Variants in KLHL23 observed in about 807,000 individuals in gnomAD.
The protein encoded by KLHL23 is kelch-like protein 23.
A neutral mutation model predicts 48.9 loss-of-function variants in KLHL23; 33 were observed. The ratio of observed to expected loss-of-function variants is 0.67; its 90% CI spans 0.51 to 0.90. The LOEUF (loss-of-function observed/expected upper bound fraction) is 0.90. KLHL23 is among the 40% of genes least tolerant of loss of function. The pLI is 0.00. For missense variants in KLHL23, 608 were observed against 669.6 expected (o/e 0.91, Z 1.02); for synonymous variants, 234 against 231.6 (o/e 1.01, Z -0.09).
Position 169,735,658 on chromosome 2 carries a change from G to A in KLHL23, c.644G>A (p.Arg215Gln). The A allele has an allele frequency of 1.9e-6, 3 of 1,613,934 alleles. No individual in the cohort carries two copies. Among genetic ancestry groups the A allele is most frequent in the Non-Finnish European group, 2.5e-6 (3 of 1,180,026 alleles). ...TGGACTGCTCATGATGTAGAAAATCGAATTGAATGCCTCTATAATCTACTG... is the reference window on the plus strand; with the variant it reads ...TGGACTGCTCATGATGTAGAAAATCAAATTGAATGCCTCTATAATCTACTG... Reference protein sequence around the residue: ...IKWTAHDVENRIECLYNLLSY... With the variant: ...IKWTAHDVENQIECLYNLLSY... Residue 215 changes from arginine to glutamine, a missense_variant, in exon 2 of 4, where the codon CGA becomes CAA. By Grantham distance (43) the Arg-to-Gln change is conservative (BLOSUM62 1). This residue lies in a region of KLHL23 where 419 missense variants were observed against 473.1 expected (regional missense o/e 0.89). Coordinates refer to ENST00000392647, the MANE Select transcript of KLHL23 (RefSeq NM_144711.6). This position sits in a 1 kb window ranked among gnomAD's most constrained non-coding sequence, Gnocchi z 4.5.
At position 169,751,715 on chromosome 2, in the gene KLHL23, A is replaced by T. The variant is rs768829889; in HGVS notation, c.*1983A>T. The stretch of plus-strand genomic sequence containing the variant: ...AAGTAAAATGAGCACAATACAAAAT[A>T]GTATGCATACTATGATTGTGACTTT... On this transcript the variant is annotated 3_prime_UTR_variant, in exon 4 of 4. Transcript: ENST00000392647. The T allele has an allele frequency of 1.3e-5, 2 of 152,240 alleles. No individual in the cohort carries two copies. The highest frequency in any genetic ancestry group is 2.9e-5 in the Non-Finnish European group (2 of 68,036). 9.4% of individuals were successfully genotyped at this position (152,240 alleles called of 1,614,324 possible). A position where few individuals can be genotyped will look rare whatever the true frequency, so the allele number is the denominator to read the frequency against.
rs1558952290 is a variant in KLHL23 at position 169,749,987 on chromosome 2, G to GTATA, written c.*258_*259insATAT. On this transcript the variant is annotated 3_prime_UTR_variant, in exon 4 of 4. Transcript: ENST00000392647. ...TATACATATATATGTGTATATATAC[G>GTATA]TATGTATACATATATGTGTATATAT... 2.4e-5 allele frequency: 1 copy of GTATA among 41,450 alleles called. No homozygotes were observed. The highest frequency in any genetic ancestry group is 3.8e-4 in the Admixed American group (1 of 2,632). 2.6% of individuals were successfully genotyped at this position (41,450 alleles called of 1,614,324 possible). A position where few individuals can be genotyped will look rare whatever the true frequency, so the allele number is the denominator to read the frequency against.
intron 3 of KLHL23, among the ~76,000 whole-genome samples, chr2:169,747,651 A>G (rs1246677710): frequency 6.6e-6 from 1 of 152,070 alleles, no homozygotes. Context: ...GGGCTTGCTT[A>G]TAAGCTTTCC....
intron 1 of KLHL23, among the ~76,000 whole-genome samples, chr2:169,734,348 C>T (rs1688458494): frequency 6.7e-6 from 1 of 148,184 alleles, no homozygotes; most frequent in Non-Finnish European, 1.5e-5. Flanking sequence ...CGGCACGCGG[C>T]GCCCTCGAGT....
At chr2:169,747,108 G>A (rs1269767772) in intron 3 of KLHL23, among the ~76,000 whole-genome samples, 1 of 152,088 alleles carries the variant, frequency 6.6e-6, no homozygotes, top group Non-Finnish European at 1.5e-5. Flanking sequence ...GGAGGGCCAG[G>A]CACGGTGGCT....
chr2:169,735,687 T>G lies in KLHL23; in HGVS notation c.673T>G (p.Tyr225Asp). ...TGAATGCCTCTATAATCTACTGAGC[T>G]ATATCAACATTGATATAGATCCAGT... ...RIECLYNLLS[Y>D]INIDIDPVYL... Residue 225 changes from tyrosine to aspartate, a missense_variant, in exon 2 of 4, where the codon TAT becomes GAT. By Grantham distance (160) the Tyr-to-Asp change is radical (BLOSUM62 -3). This residue lies in a region of KLHL23 where 419 missense variants were observed against 473.1 expected (regional missense o/e 0.89). Transcript: ENST00000392647. This position sits in a 1 kb window ranked among gnomAD's most constrained non-coding sequence, Gnocchi z 4.5. The G allele has an allele frequency of 1.2e-6, 2 of 1,614,042 alleles. No individual in the cohort carries two copies. The highest frequency in any genetic ancestry group is 1.7e-6 in the Non-Finnish European group (2 of 1,180,034).
chr2:169,740,080 G>T (rs1688636412), intron 2 of KLHL23, among the ~76,000 whole-genome samples: 1 of 152,168 alleles, frequency 6.6e-6, no homozygotes, highest in African/African-American at 2.4e-5. Context: ...GGGAGGGATT[G>T]TGAAGGCCTA....
intron 2 of KLHL23, 112 bp downstream of exon 2, chr2:169,736,339 T>A (rs1393083994): frequency 1.4e-6 from 2 of 1,393,830 alleles, no homozygotes; most frequent in Non-Finnish European, 1.9e-6. Flanking sequence ...CTATAGTTAA[T>A]TATACAAATA....
At chr2:169,734,878 T>A (rs1688473747) in intron 1 of KLHL23, 135 bp from the exon 2 acceptor site, 1 of 1,203,182 alleles carries the variant, frequency 8.3e-7, no homozygotes, top group African/African-American at 1.6e-5. Context: ...CCATCCACAT[T>A]TTGCATTTAT....
Position 169,749,411 on chromosome 2 carries a change from CT to C in KLHL23, c.1367-6del, listed in dbSNP as rs1688885874. 44 of 1,550,004 alleles carry C rather than the reference CT, an allele frequency of 2.8e-5. No individual in the cohort carries two copies. The highest frequency in any genetic ancestry group is 3.7e-5 in the Non-Finnish European group (43 of 1,148,904). ...TAAAAAAATGCTGTTTTCTTTTTTT[CT>C]TTTTAAAAGAATATGGATTGTGCTC... On this transcript the variant is annotated splice_polypyrimidine_tract_variant and intron_variant, in intron 3 of 3. Coordinates refer to ENST00000392647, the MANE Select transcript of KLHL23 (RefSeq NM_144711.6).
At chr2:169,739,212 A>G (rs1429151441) in intron 2 of KLHL23, among the ~76,000 whole-genome samples, 2 of 149,778 alleles carry the variant, frequency 1.3e-5, no homozygotes, top group South Asian at 2.1e-4. Context: ...TCTTTCCTCT[A>G]TGCTCTTCCC....
chr2:169,743,634 C>G (rs933272255), intron 3 of KLHL23, among the ~76,000 whole-genome samples: 1 of 152,180 alleles, frequency 6.6e-6, no homozygotes, highest in Non-Finnish European at 1.5e-5. Context: ...AAGGGAAGAC[C>G]TAGCAGCCTT....
intron 2 of KLHL23, among the ~76,000 whole-genome samples, chr2:169,738,646 A>G (rs58852959): frequency 0.15 from 22,654 of 151,848 alleles, 1,714 homozygotes; most frequent in Middle Eastern, 0.23. Context: ...ATTTTTTTCC[A>G]TCATAACTGC....
In KLHL23 at chr2:169,749,826, T is replaced by C. The variant is rs1391043683; in HGVS notation, c.*94T>C. ...TTTGAAGTTCCTTACCTGATAATTGTGTCTGGCACATGATAGGGGATCAGT... is the reference window on the plus strand; with the variant it reads ...TTTGAAGTTCCTTACCTGATAATTGCGTCTGGCACATGATAGGGGATCAGT... On this transcript the variant is annotated 3_prime_UTR_variant, in exon 4 of 4. Transcript: ENST00000392647. 1 of 1,436,532 alleles carries C rather than the reference T, an allele frequency of 7.0e-7. No homozygotes were observed. The highest frequency in any genetic ancestry group is 9.4e-7 in the Non-Finnish European group (1 of 1,067,652). The allele number at this position is 1,436,532 out of a possible 1,614,324, so 89.0% of individuals were successfully genotyped here. A position where few individuals can be genotyped will look rare whatever the true frequency, so the allele number is the denominator to read the frequency against.
rs774893167 is a variant in KLHL23 at position 169,741,402 on chromosome 2, G to T, written c.1231G>T (p.Ala411Ser). The T allele has an allele frequency of 6.2e-7, 1 of 1,612,582 alleles. No individual in the cohort carries two copies. The highest frequency in any genetic ancestry group is 1.1e-5 in the South Asian group (1 of 90,988). ...ATACGTAGGTGTGGGAAATGCTACTGCCTGTGTCTTACATGATGTTATCTA... is the reference window on the plus strand; with the variant it reads ...ATACGTAGGTGTGGGAAATGCTACTTCCTGTGTCTTACATGATGTTATCTA... ...NMIKGVGNATACVLHDVIYVI... is the reference protein window; with the variant it reads ...NMIKGVGNATSCVLHDVIYVI... Residue 411 changes from alanine to serine, a missense_variant, in exon 3 of 4, where the codon GCC (alanine) becomes TCC (serine). Physicochemically the swap from Ala to Ser is moderately conservative, Grantham distance 99 (BLOSUM62 1). Coordinates refer to ENST00000392647, the MANE Select transcript of KLHL23 (RefSeq NM_144711.6).
rs1049087341 is a variant in KLHL23, at chr2:169,751,602, A to G, written c.*1870A>G. 6.6e-6 allele frequency: 1 copy of G among 152,234 alleles called. No individual in the cohort carries two copies. Among genetic ancestry groups the G allele is most frequent in the African/African-American group, 2.4e-5 (1 of 41,470 alleles). The allele number at this position is 152,234 out of a possible 1,614,324, so 9.4% of individuals were successfully genotyped here. A position where few individuals can be genotyped will look rare whatever the true frequency, so the allele number is the denominator to read the frequency against. On this transcript the variant is annotated 3_prime_UTR_variant, in exon 4 of 4. Transcript: ENST00000392647. ...GGGGAAAAAAACTCCATGTCAAGAA[A>G]GTGGGATAAGAAAAATAGTGAAGTA...
chr2:169,747,693 C>T (rs971539052), intron 3 of KLHL23, among the ~76,000 whole-genome samples: 18 of 150,554 alleles, frequency 1.2e-4, no homozygotes, highest in African/African-American at 4.1e-4. Context: ...CACATTGGGA[C>T]ACAAGCGTAC....
intron 3 of KLHL23, among the ~76,000 whole-genome samples, chr2:169,743,015 G>A (rs1688713474): frequency 6.6e-6 from 1 of 152,154 alleles, no homozygotes; most frequent in Non-Finnish European, 1.5e-5. Context: ...TATATAAATT[G>A]CCCAAGGTTA....
Position 169,749,526 on chromosome 2 carries a change from A to G in KLHL23, c.1471A>G (p.Ile491Val). 6.2e-7 allele frequency: 1 copy of G among 1,614,150 alleles called. No individual in the cohort carries two copies. Among genetic ancestry groups the G allele is most frequent in the Non-Finnish European group, 8.5e-7 (1 of 1,180,034 alleles). The change falls in exon 4 of 4, where the codon ATA (isoleucine) becomes GTA (valine). Residue 491 changes from isoleucine (I) to valine (V), a missense_variant. Physicochemically the swap from Ile to Val is conservative, Grantham distance 29. Coordinates refer to ENST00000392647, the MANE Select transcript of KLHL23 (RefSeq NM_144711.6). ...CCCTGAACAAAATGAATGGAGAGAG[A>G]TAGCTCCCATGATGGAAAGGAGGAT... Reference protein sequence around the residue: ...YDPEQNEWREIAPMMERRMEC... With the variant: ...YDPEQNEWREVAPMMERRMEC...
Sources: allele counts gnomAD v4.1 joint callset (sites outside exome capture counted in the v4.1 genomes callset), GRCh38; gene constraint gnomAD v4.1.1; regional missense constraint gnomAD v4.1.1; non-coding constraint Gnocchi (gnomAD v3.1); transcripts MANE v1.5; gene names NCBI Gene and HGNC (gene_info 2026-07-23, HGNC 2026-07-21).